CAMTA1: variants seen among roughly 807,000 people sequenced by gnomAD.
CAMTA1 encodes calmodulin binding transcription activator 1, also known as calmodulin-binding transcription activator 1.
In CAMTA1, 27 loss-of-function variants were observed where a neutral mutation model predicts 170.9. The observed-to-expected ratio is 0.16, with a 90% CI of 0.12 to 0.22. The LOEUF is 0.22. CAMTA1 is among the 10% of genes least tolerant of loss of function. CAMTA1 has a pLI of 1.00. For synonymous variants in CAMTA1, 833 were observed against 891.5 expected (o/e 0.93, Z 1.17); for missense variants, 1,619 against 2,217.2 (o/e 0.73, Z 5.42).
In CAMTA1 at chr1:7,715,246, G is replaced by A. The variant is rs113707345; in HGVS notation, c.2915-17202G>A. Reference sequence around the variant, plus strand: ...GCAGAGAACAGACTAAGGAGCATCTGGAGGTATTAGGGATTCGAGAGAGAG... The same window carrying A: ...GCAGAGAACAGACTAAGGAGCATCTAGAGGTATTAGGGATTCGAGAGAGAG... On this transcript the variant is annotated intron_variant, in intron 11 of 22. Coordinates refer to ENST00000303635, the MANE Select transcript of CAMTA1 (RefSeq NM_015215.4). Among the ~76,000 whole-genome samples the A allele has an allele frequency of 6.4e-3, 975 of 152,236 alleles. 8 individuals are homozygous for A. Among genetic ancestry groups the A allele is most frequent in the African/African-American group, 0.022 (928 of 41,534 alleles).
intron 16 of CAMTA1, among the ~76,000 whole-genome samples, chr1:7,742,699 C>T (rs962974956): frequency 6.6e-6 from 1 of 152,144 alleles, no homozygotes; most frequent in Non-Finnish European, 1.5e-5. Context: ...AGAGTGATAA[C>T]CTTTTAGGCT....
At chr1:7,675,710 C>T (rs560719661) in intron 10 of CAMTA1, among the ~76,000 whole-genome samples, 29 of 152,216 alleles carry the variant, frequency 1.9e-4, no homozygotes, top group Non-Finnish European at 1.6e-4. Flanking sequence ...CAAATGATGG[C>T]GGCATGGACT....
intron 3 of CAMTA1, among the ~76,000 whole-genome samples, chr1:6,842,762 A>C (rs1656381442): frequency 1.3e-5 from 2 of 152,170 alleles, no homozygotes; most frequent in South Asian, 4.1e-4. Context: ...TCTCTATTAA[A>C]AATACAAGAA....
intron 4 of CAMTA1, among the ~76,000 whole-genome samples, chr1:7,156,420 A>G (rs1196417121): frequency 6.6e-6 from 1 of 152,172 alleles, no homozygotes; most frequent in Non-Finnish European, 1.5e-5. Context: ...GATCAGAGAG[A>G]CAGGCGACCA....
intron 5 of CAMTA1, among the ~76,000 whole-genome samples, chr1:7,383,185 G>A (rs559142589): frequency 8.6e-4 from 131 of 152,280 alleles, no homozygotes; most frequent in African/African-American, 3.0e-3. Context: ...GGCTTCCTAC[G>A]CCATCAACAC....
At chr1:7,569,678 T>C (rs577711118) in intron 6 of CAMTA1, among the ~76,000 whole-genome samples, 1 of 150,002 alleles carries the variant, frequency 6.7e-6, no homozygotes, top group Non-Finnish European at 1.5e-5. Flanking sequence ...TTACCATCAC[T>C]ACCATCATTC....
Position 6,887,533 on chromosome 1 carries a change from G to A in CAMTA1, c.234+62323G>A. On this transcript the variant is annotated intron_variant, in intron 3 of 22. Transcript: ENST00000303635. The surrounding 1 kb of genome is among the most constrained non-coding windows in gnomAD (Gnocchi z 4.1). ...ATGTGTGTGTTTAATATATACTTTA[G>A]TTTGCCTTTACCCAGATGTCTCCTC... 2 of 1,437,786 alleles carry A rather than the reference G, an allele frequency of 1.4e-6. No homozygotes were observed. The highest frequency in any genetic ancestry group is 4.6e-5 in the Admixed American group (2 of 43,110). 89.1% of individuals were successfully genotyped at this position (1,437,786 alleles called of 1,614,324 possible).
chr1:6,960,059 A>G (rs185604294), intron 3 of CAMTA1, among the ~76,000 whole-genome samples: 1 of 152,330 alleles, frequency 6.6e-6, no homozygotes, highest in East Asian at 1.9e-4. Context: ...AACCAGTCCC[A>G]GGTCACCAGG....
At chr1:7,451,132 T>C (rs934771446) in intron 5 of CAMTA1, among the ~76,000 whole-genome samples, 1 of 152,194 alleles carries the variant, frequency 6.6e-6, no homozygotes, top group African/African-American at 2.4e-5. Flanking sequence ...ACCTCCTGCC[T>C]GGTCCCATTA....
rs996510730 is a variant in CAMTA1, at chr1:6,796,250, C to A, written c.45+10675C>A. ...CCTCGACTTCTTGGGCTCAGGTGAT[C>A]CCTCAGCCTCACAAGTAGCTGGGAC... is the stretch of plus-strand genomic sequence containing the variant. On this transcript the variant is annotated intron_variant, in intron 1 of 22. Coordinates refer to ENST00000303635, the MANE Select transcript of CAMTA1 (RefSeq NM_015215.4). Among the ~76,000 whole-genome samples, 4 of 145,016 alleles carry A rather than the reference C, an allele frequency of 2.8e-5. No homozygotes were observed. In the East Asian group the frequency reaches 8.3e-4, roughly 30 times the overall value.
intron 3 of CAMTA1, among the ~76,000 whole-genome samples, chr1:7,018,735 G>T (rs1016879281): frequency 3.9e-5 from 6 of 152,158 alleles, no homozygotes; most frequent in Non-Finnish European, 7.3e-5. Flanking sequence ...TATGCTCGGG[G>T]AGTCTATTTC....
rs1223670393 is a variant in CAMTA1, at chr1:7,050,155, G to A, written c.235-41149G>A. Among the ~76,000 whole-genome samples, 2 of 152,200 alleles carry A rather than the reference G, an allele frequency of 1.3e-5. No individual in the cohort carries two copies. Among genetic ancestry groups the A allele is most frequent in the Non-Finnish European group, 2.9e-5 (2 of 68,038 alleles). ...TGGTGGAGAGAGGACGTGGAAGGAG[G>A]TGAGGCCGGGGAAGTGACCGGCAGG... On this transcript the variant is annotated intron_variant, in intron 3 of 22. Coordinates refer to ENST00000303635, the MANE Select transcript of CAMTA1 (RefSeq NM_015215.4). The surrounding 1 kb of genome is among the most constrained non-coding windows in gnomAD (Gnocchi z 4.8).
At chr1:7,005,946 G>A (rs931309139) in intron 3 of CAMTA1, among the ~76,000 whole-genome samples, 10 of 152,232 alleles carry the variant, frequency 6.6e-5, no homozygotes, top group South Asian at 2.1e-4. Flanking sequence ...CTGGCTGTAC[G>A]GAGTTGGTGT....
intron 4 of CAMTA1, among the ~76,000 whole-genome samples, chr1:7,233,788 TTGTC>T (rs551949959): frequency 3.7e-3 from 569 of 152,206 alleles, no homozygotes; most frequent in African/African-American, 0.013. Context: ...GCAGTTCCCT[TTGTC>T]TGGAAGGCGC....
At chr1:7,513,634 G>A (rs774137701) in intron 6 of CAMTA1, among the ~76,000 whole-genome samples, 8 of 152,062 alleles carry the variant, frequency 5.3e-5, no homozygotes, top group Admixed American at 1.3e-4. Context: ...CCAAAACACC[G>A]GTTACAGGCT....
chr1:7,594,561 T>C (rs1454412001), intron 6 of CAMTA1, among the ~76,000 whole-genome samples: 2 of 152,182 alleles, frequency 1.3e-5, no homozygotes, highest in Admixed American at 6.5e-5. Context: ...CATGGTTGTT[T>C]GCAAAGTCTG....
intron 5 of CAMTA1, among the ~76,000 whole-genome samples, chr1:7,340,172 C>T (rs2083693064): frequency 6.6e-6 from 1 of 152,178 alleles, no homozygotes; most frequent in African/African-American, 2.4e-5. Flanking sequence ...ATGGATGTGG[C>T]TGTGTGCCCA....
At chr1:7,731,079 G>C (rs2096729470) in intron 11 of CAMTA1, among the ~76,000 whole-genome samples, 2 of 151,920 alleles carry the variant, frequency 1.3e-5, no homozygotes, top group Admixed American at 1.3e-4. Context: ...ATTCTAACAT[G>C]TGTATGTTTG....
intron 3 of CAMTA1, among the ~76,000 whole-genome samples, chr1:6,919,846 G>A (rs1005228326): frequency 1.3e-5 from 2 of 152,020 alleles, no homozygotes; most frequent in Non-Finnish European, 2.9e-5. Context: ...TCGCTATTAC[G>A]AGAACAGCAT....
Sources: gnomAD v4.1 joint callset for allele counts (sites outside exome capture counted in the v4.1 genomes callset) on GRCh38, gnomAD v4.1.1 for gene constraint, Gnocchi (gnomAD v3.1) non-coding constraint, MANE v1.5 for transcripts, NCBI Gene and HGNC (gene_info 2026-07-23, HGNC 2026-07-21) for gene names.